C3orf33: variants seen among roughly 807,000 people sequenced by gnomAD.
The protein encoded by C3orf33 is mitochondrial inner membrane subdomain organizer 1, also known as AP-1 activity suppressor.
A neutral mutation model predicts 28.7 loss-of-function variants in C3orf33; 23 were observed. The ratio of observed to expected loss-of-function variants is 0.80; its 90% CI spans 0.58 to 1.13. C3orf33 has a LOEUF of 1.13. Among genes scored for constraint, C3orf33 ranks in the 50% most tolerant of loss-of-function variants. The pLI is 0.00. For synonymous variants in C3orf33, 119 were observed against 120.5 expected (o/e 0.99, Z 0.08); for missense variants, 327 against 353.4 (o/e 0.93, Z 0.60).
intron 3 of C3orf33, among the ~76,000 whole-genome samples, chr3:155,775,122 T>C (rs1323385637): frequency 6.6e-6 from 1 of 152,182 alleles, no homozygotes; most frequent in East Asian, 1.9e-4. Flanking sequence ...ATTGTACAAT[T>C]AGCTTAGGTT....
rs145618294 is a variant in C3orf33, at chr3:155,787,682, AT to A, written c.175-11835del. On this transcript the variant is annotated intron_variant, in intron 2 of 4. Coordinates refer to ENST00000340171, the MANE Select transcript of C3orf33 (RefSeq NM_001308229.2). ...CCCAGCTAATTTGTTTTATCTATTT[AT>A]TTTTTTTTTTTGTAGAGATGGGGTC... Among the ~76,000 whole-genome samples, 315 of 138,928 alleles carry A rather than the reference AT, an allele frequency of 2.3e-3. 1 individual carries two copies. Among genetic ancestry groups the A allele is most frequent in the African/African-American group, 3.4e-3 (131 of 38,008 alleles). 91.1% of individuals were successfully genotyped at this position (138,928 alleles called of 152,430 possible).
chr3:155,804,147 G>A (rs1480542576), intron 1 of C3orf33: 17 of 410,964 alleles, frequency 4.1e-5, no homozygotes, highest in Non-Finnish European at 8.1e-5. Context: ...TTGCACTCCA[G>A]CCTGGGGGAC....
At chr3:155,801,262 G>C (rs1751639755) in intron 2 of C3orf33, among the ~76,000 whole-genome samples, 2 of 144,158 alleles carry the variant, frequency 1.4e-5, no homozygotes, top group South Asian at 4.4e-4. Context: ...AGTGAGCCAA[G>C]ATCACACCAC....
At chr3:155,775,066 C>A (rs1750699668) in intron 3 of C3orf33, among the ~76,000 whole-genome samples, 1 of 152,066 alleles carries the variant, frequency 6.6e-6, no homozygotes, top group African/African-American at 2.4e-5. Flanking sequence ...TATCTCGCAC[C>A]TAGACTATAA....
At chr3:155,795,404 C>A (rs941058453) in intron 2 of C3orf33, among the ~76,000 whole-genome samples, 2 of 151,684 alleles carry the variant, frequency 1.3e-5, no homozygotes, top group South Asian at 2.1e-4. Flanking sequence ...TGGAGTGAGC[C>A]GAGAGCGTGC....
chr3:155,793,827 AC>A (rs1256045024), intron 2 of C3orf33, among the ~76,000 whole-genome samples: 1,041 of 90,336 alleles, frequency 0.012, 64 homozygotes, highest in African/African-American at 0.04. Flanking sequence ...AAAAAAAAAA[AC>A]TAAAAAAACT....
At chr3:155,780,219 T>C (rs1048303483) in intron 2 of C3orf33, among the ~76,000 whole-genome samples, 10 of 152,148 alleles carry the variant, frequency 6.6e-5, no homozygotes, top group Admixed American at 6.6e-4. Flanking sequence ...GGCAGAAAGA[T>C]GATGCTGCTA....
intron 3 of C3orf33, among the ~76,000 whole-genome samples, chr3:155,775,487 T>C (rs1322797987): frequency 5.5e-5 from 6 of 109,276 alleles, no homozygotes; most frequent in African/African-American, 2.2e-4. Flanking sequence ...AAACTCTGTC[T>C]CAAAAAAAAA....
chr3:155,796,305 G>A (rs1308265707), intron 2 of C3orf33, among the ~76,000 whole-genome samples: 1 of 151,896 alleles, frequency 6.6e-6, no homozygotes, highest in Non-Finnish European at 1.5e-5. Context: ...AATCAGAAAT[G>A]AAAAAGGAGA....
At chr3:155,781,326 G>C (rs371604697) in intron 2 of C3orf33, among the ~76,000 whole-genome samples, 2 of 151,994 alleles carry the variant, frequency 1.3e-5, no homozygotes, top group African/African-American at 4.8e-5. Context: ...GCTGTTACTT[G>C]GGGTTTCTCT....
chr3:155,780,517 ATCT>A (rs1265251717), intron 2 of C3orf33, among the ~76,000 whole-genome samples: 2 of 152,258 alleles, frequency 1.3e-5, no homozygotes, highest in East Asian at 1.9e-4. Flanking sequence ...AAACTCAATA[ATCT>A]TCTTTTATTT....
intron 1 of C3orf33, chr3:155,805,524 A>G (rs1190091429): frequency 2.3e-6 from 1 of 438,664 alleles, no homozygotes; most frequent in East Asian, 7.1e-5. Flanking sequence ...GTTGGAGGAC[A>G]GCCTGGACAA....
At chr3:155,767,852 TA>T (rs1750462351) in intron 3 of C3orf33, among the ~76,000 whole-genome samples, 183 bp from the exon 4 acceptor site, 1 of 152,188 alleles carries the variant, frequency 6.6e-6, no homozygotes, top group African/African-American at 2.4e-5. Flanking sequence ...CAAGTATATA[TA>T]ACACAGTAAT....
rs1358676017 is a variant in C3orf33, at chr3:155,763,494, T to C, written c.*23A>G. On this transcript the variant is annotated 3_prime_UTR_variant, in exon 5 of 5. Coordinates refer to ENST00000340171, the MANE Select transcript of C3orf33 (RefSeq NM_001308229.2). The stretch of plus-strand genomic sequence containing the variant: ...ACATATTTCACTCTTTGGAGAAGGT[T>C]ACCTCTAGATTTCTTGACCGTTTCA... 2 of 1,448,960 alleles carry C rather than the reference T, an allele frequency of 1.4e-6. No homozygotes were observed. Among genetic ancestry groups the C allele is most frequent in the Admixed American group, 2.8e-5 (1 of 35,568 alleles). The allele number at this position is 1,448,960 out of a possible 1,614,324, so 89.8% of individuals were successfully genotyped here.
chr3:155,776,841 A>T (rs1234009647), intron 2 of C3orf33, among the ~76,000 whole-genome samples: 1 of 151,570 alleles, frequency 6.6e-6, no homozygotes, highest in African/African-American at 2.4e-5. Flanking sequence ...GATTTTTATA[A>T]CCAAGAATAG....
At chr3:155,764,095 T>C (rs1179654171) in intron 4 of C3orf33, among the ~76,000 whole-genome samples, 177 bp from the exon 5 acceptor site, 2 of 152,226 alleles carry the variant, frequency 1.3e-5, no homozygotes, top group African/African-American at 4.8e-5. Flanking sequence ...TTTTTATTAC[T>C]AGAAGAGACC....
intron 3 of C3orf33, among the ~76,000 whole-genome samples, chr3:155,774,934 T>C (rs1283561403): frequency 6.6e-6 from 1 of 152,142 alleles, no homozygotes; most frequent in African/African-American, 2.4e-5. Flanking sequence ...CAATGAGGCC[T>C]TCTCTGACTA....
At chr3:155,803,564 C>CAAAA (rs63676264) in intron 1 of C3orf33, among the ~76,000 whole-genome samples, 16 of 53,800 alleles carry the variant, frequency 3.0e-4, no homozygotes, top group East Asian at 6.6e-4. Context: ...GACTCAGTCT[C>CAAAA]AAAAAAAAAA....
chr3:155,805,457 C>T (rs1220664955), intron 1 of C3orf33: 1 of 366,170 alleles, frequency 2.7e-6, no homozygotes, highest in Non-Finnish European at 5.5e-6. Flanking sequence ...GAGACCCTGT[C>T]TCAAAAAAAA....
Sources: gnomAD v4.1 joint callset for allele counts (sites outside exome capture counted in the v4.1 genomes callset) on GRCh38, gnomAD v4.1.1 for gene constraint, MANE v1.5 for transcripts, NCBI Gene and HGNC (gene_info 2026-07-23, HGNC 2026-07-21) for gene names.